The following CYYR1 variants were observed in gnomAD, a reference collection of about 807,000 sequenced individuals.
CYYR1 encodes cysteine and tyrosine rich 1.
A neutral mutation model predicts 15.2 loss-of-function variants in CYYR1; 14 were observed. The ratio of observed to expected loss-of-function variants is 0.92; its 90% CI spans 0.61 to 1.44. The LOEUF (loss-of-function observed/expected upper bound fraction) is 1.44. CYYR1 is among the 40% of genes most tolerant of loss of function. The pLI, the probability that CYYR1 is intolerant of heterozygous loss-of-function variation, is 0.00. For synonymous variants in CYYR1, 80 were observed against 77.4 expected, an observed-to-expected ratio of 1.03 and a Z score of -0.18; for missense variants, 228 against 209.5, an observed-to-expected ratio of 1.09 and a Z score of -0.54.
intron 2 of CYYR1, among the ~76,000 whole-genome samples, chr21:26,536,297 GACATAACTTACTGT>G (rs1179472117): frequency 1.3e-5 from 2 of 152,128 alleles, no homozygotes; most frequent in Admixed American, 1.3e-4. Context: ...CAAGAGAGTA[GACATAACTTACTGT>G]TGAAAGCTAC....
At chr21:26,519,623 G>A (rs928870738) in intron 2 of CYYR1, among the ~76,000 whole-genome samples, 2 of 152,222 alleles carry the variant, frequency 1.3e-5, no homozygotes, top group African/African-American at 2.4e-5. Context: ...GTTTTGAGCA[G>A]AGCAGTGGCA....
intron 2 of CYYR1, among the ~76,000 whole-genome samples, chr21:26,517,606 A>G (rs1325666139): frequency 1.3e-5 from 2 of 152,252 alleles, no homozygotes; most frequent in Non-Finnish European, 1.5e-5. Flanking sequence ...TCCAGGCTGG[A>G]GTGCAGTGGC....
intron 2 of CYYR1, among the ~76,000 whole-genome samples, chr21:26,543,190 TG>T (rs1329341353): frequency 1.3e-5 from 2 of 152,036 alleles, no homozygotes; most frequent in African/African-American, 4.8e-5. Context: ...TGTTGCGTGG[TG>T]GATGCGGGGA....
At chr21:26,479,493 A>T (rs1473014234) in intron 3 of CYYR1, among the ~76,000 whole-genome samples, 1 of 152,120 alleles carries the variant, frequency 6.6e-6, no homozygotes, top group African/African-American at 2.4e-5. Context: ...TTATATGTCA[A>T]ATTGTACATG....
At chr21:26,523,650 C>T (rs981451133) in intron 2 of CYYR1, among the ~76,000 whole-genome samples, 6 of 152,156 alleles carry the variant, frequency 3.9e-5, no homozygotes, top group Non-Finnish European at 8.8e-5. Flanking sequence ...CAAATTCTTT[C>T]CTGTCCTAAA....
intron 2 of CYYR1, among the ~76,000 whole-genome samples, chr21:26,513,070 C>G (rs577739074): frequency 1.1e-4 from 17 of 152,288 alleles, no homozygotes; most frequent in African/African-American, 4.1e-4. Flanking sequence ...GCTTCCCTGT[C>G]CTAGCCATGT....
chr21:26,468,296 T>C lies in CYYR1; in HGVS notation c.*205A>G, dbSNP rs2064992165. On this transcript the variant is annotated 3_prime_UTR_variant, in exon 4 of 4. Transcript: ENST00000652641. ...GCAGATCTCTTAAAATGTGGTTCCA[T>C]AGAACCAAACATTAATACTCCAGAT... The C allele has an allele frequency of 6.8e-6, 4 of 589,986 alleles. No individual in the cohort carries two copies. Among genetic ancestry groups the C allele is most frequent in the Admixed American group, 2.7e-5 (1 of 37,718 alleles). The allele number at this position is 589,986 out of a possible 1,614,324, so 36.5% of individuals were successfully genotyped here.
intron 3 of CYYR1, chr21:26,471,329 CT>C (rs994135319): frequency 2.0e-5 from 3 of 152,232 alleles, no homozygotes; most frequent in Admixed American, 2.0e-4. Context: ...TGCAGATTGA[CT>C]CTACATCATT....
chr21:26,514,250 T>C (rs1405099320), intron 2 of CYYR1, among the ~76,000 whole-genome samples: 2 of 152,154 alleles, frequency 1.3e-5, no homozygotes, highest in East Asian at 1.9e-4. Context: ...CCAAATCTCA[T>C]GTTGAAATTT....
intron 2 of CYYR1, among the ~76,000 whole-genome samples, chr21:26,554,158 T>C (rs185694338): frequency 6.6e-6 from 1 of 152,244 alleles, no homozygotes; most frequent in Admixed American, 6.5e-5. Context: ...AACTGTTACA[T>C]ACAAAGGAAC....
chr21:26,495,015 C>G lies in CYYR1; in HGVS notation c.177-14586G>C, dbSNP rs145368741. ...CTGAATTCTGTTTCATGTACCAGGA[C>G]AGGCAAAAGGAAAGAGGAACAACCT... On this transcript the variant is annotated intron_variant, in intron 2 of 3. Coordinates refer to ENST00000652641, the MANE Select transcript of CYYR1 (RefSeq NM_001320768.2). Among the ~76,000 whole-genome samples the G allele has an allele frequency of 2.3e-3, 356 of 152,252 alleles. 1 individual carries two copies. Among genetic ancestry groups the G allele is most frequent in the African/African-American group, 7.9e-3 (328 of 41,540 alleles).
chr21:26,487,738 AT>A (rs1221268277), intron 2 of CYYR1, among the ~76,000 whole-genome samples: 1 of 152,024 alleles, frequency 6.6e-6, no homozygotes, highest in African/African-American at 2.4e-5. Flanking sequence ...CTCTATTTCT[AT>A]TTTTATCTCT....
chr21:26,554,565 G>A (rs1236303813), intron 2 of CYYR1, among the ~76,000 whole-genome samples: 2 of 152,016 alleles, frequency 1.3e-5, no homozygotes, highest in African/African-American at 4.8e-5. Flanking sequence ...AATCACATTT[G>A]ATTAAGGGCA....
At chr21:26,470,157 A>G (rs1037554456) in intron 3 of CYYR1, among the ~76,000 whole-genome samples, 3 of 152,180 alleles carry the variant, frequency 2.0e-5, no homozygotes, top group Non-Finnish European at 4.4e-5. Flanking sequence ...ACATTTCAAC[A>G]AACTTTTCTA....
chr21:26,501,353 A>G (rs1334339366), intron 2 of CYYR1, among the ~76,000 whole-genome samples: 1 of 152,148 alleles, frequency 6.6e-6, no homozygotes, highest in Non-Finnish European at 1.5e-5. Context: ...AAACAAATAA[A>G]ATCAGCAAGA....
intron 2 of CYYR1, among the ~76,000 whole-genome samples, chr21:26,541,319 C>T (rs958740863): frequency 1.3e-5 from 2 of 151,884 alleles, no homozygotes; most frequent in African/African-American, 2.4e-5. Flanking sequence ...TATCACAATT[C>T]GATAGATAAA....
intron 2 of CYYR1, among the ~76,000 whole-genome samples, chr21:26,563,547 G>A (rs915121799): frequency 1.4e-4 from 22 of 152,102 alleles, no homozygotes; most frequent in Admixed American, 1.1e-3. Context: ...ACTCCAGCCT[G>A]GGTGACAGAA....
At chr21:26,523,289 G>C (rs2065824446) in intron 2 of CYYR1, among the ~76,000 whole-genome samples, 1 of 152,084 alleles carries the variant, frequency 6.6e-6, no homozygotes, top group East Asian at 1.9e-4. Flanking sequence ...CTTTATGCCT[G>C]TGCTGTTATC....
intron 2 of CYYR1, among the ~76,000 whole-genome samples, chr21:26,535,180 A>G (rs776791970): frequency 2.3e-4 from 35 of 152,172 alleles, no homozygotes; most frequent in Non-Finnish European, 4.9e-4. Context: ...GGTAGGATCA[A>G]TTGTATCCCA....
Sources: allele counts gnomAD v4.1 joint callset (sites outside exome capture counted in the v4.1 genomes callset), GRCh38; gene constraint gnomAD v4.1.1; transcripts MANE v1.5; gene names NCBI Gene and HGNC (gene_info 2026-07-23, HGNC 2026-07-21).